The following LRRTM4 variants were observed in gnomAD, a reference collection of about 807,000 sequenced individuals.
The protein encoded by LRRTM4 is leucine rich repeat transmembrane neuronal 4, also known as leucine-rich repeat transmembrane neuronal protein 4.
In LRRTM4, 25 loss-of-function variants were observed where a neutral mutation model predicts 47.6. The observed-to-expected ratio is 0.53, with a 90% CI of 0.38 to 0.73. LRRTM4 has a LOEUF of 0.73. Among genes scored for constraint, LRRTM4 ranks in the 30% least tolerant of loss-of-function variants. The probability of loss-of-function intolerance (pLI) is 0.00; values close to 1 mark genes in which losing one functional copy is unlikely to be tolerated. For missense variants in LRRTM4, 638 were observed against 713.4 expected (o/e 0.89, Z 1.20); for synonymous variants, 311 against 269.5 (o/e 1.15, Z -1.51).
At chr2:76,897,372 A>G (rs1317072493) in intron 3 of LRRTM4, among the ~76,000 whole-genome samples, 1 of 152,154 alleles carries the variant, frequency 6.6e-6, no homozygotes, top group East Asian at 1.9e-4. Context: ...TGTGTAAGGG[A>G]CAGCTATTTT....
intron 3 of LRRTM4, among the ~76,000 whole-genome samples, chr2:77,471,324 A>G (rs936636125): frequency 3.3e-5 from 5 of 152,142 alleles, no homozygotes; most frequent in African/African-American, 1.2e-4. Flanking sequence ...TCCAAGAATG[A>G]CTACTAACCA....
chr2:76,841,371 C>A (rs1671676951), intron 3 of LRRTM4, among the ~76,000 whole-genome samples: 1 of 151,932 alleles, frequency 6.6e-6, no homozygotes, highest in East Asian at 1.9e-4. Context: ...CACATGTATA[C>A]ATATGTAACA....
chr2:77,195,175 A>G (rs1673775607), intron 3 of LRRTM4, among the ~76,000 whole-genome samples: 2 of 151,928 alleles, frequency 1.3e-5, no homozygotes, highest in South Asian at 4.1e-4. Flanking sequence ...AAACATATCT[A>G]TATAATTTAA....
At chr2:77,072,615 T>C (rs1248572251) in intron 3 of LRRTM4, among the ~76,000 whole-genome samples, 6 of 151,758 alleles carry the variant, frequency 4.0e-5, no homozygotes, top group Admixed American at 3.9e-4. Flanking sequence ...CTGGCCAACA[T>C]GACGAAATCC....
intron 3 of LRRTM4, among the ~76,000 whole-genome samples, chr2:77,409,851 C>T (rs1042223118): frequency 3.3e-5 from 5 of 152,198 alleles, no homozygotes; most frequent in Non-Finnish European, 5.9e-5. Context: ...TCTCGTGAAG[C>T]TCTTCTCCTG....
At chr2:76,939,721 G>T (rs1675072029) in intron 3 of LRRTM4, among the ~76,000 whole-genome samples, 1 of 152,044 alleles carries the variant, frequency 6.6e-6, no homozygotes, top group Admixed American at 6.5e-5. Context: ...AGGTATTTAT[G>T]TTAGTCCTAC....
At chr2:77,002,448 G>A (rs1002284786) in intron 3 of LRRTM4, among the ~76,000 whole-genome samples, 1 of 152,036 alleles carries the variant, frequency 6.6e-6, no homozygotes. Flanking sequence ...ATAGTATATG[G>A]GTCTGTTTCC....
At chr2:77,398,369 A>G (rs1054609214) in intron 3 of LRRTM4, among the ~76,000 whole-genome samples, 3 of 151,962 alleles carry the variant, frequency 2.0e-5, no homozygotes, top group Non-Finnish European at 4.4e-5. Context: ...GAAGCAATTA[A>G]GCACATATTA....
chr2:77,383,458 A>T (rs1673139954), intron 3 of LRRTM4, among the ~76,000 whole-genome samples: 1 of 151,936 alleles, frequency 6.6e-6, no homozygotes, highest in African/African-American at 2.4e-5. Flanking sequence ...TCTATTCTGA[A>T]AATCACACCT....
intron 3 of LRRTM4, among the ~76,000 whole-genome samples, chr2:76,761,644 C>T (rs753416527): frequency 6.6e-6 from 1 of 152,124 alleles, no homozygotes; most frequent in African/African-American, 2.4e-5. Context: ...AGTAATAGCC[C>T]ATTCCACTTT....
At chr2:77,206,794 A>G (rs796736475) in intron 3 of LRRTM4, among the ~76,000 whole-genome samples, 17 of 152,190 alleles carry the variant, frequency 1.1e-4, no homozygotes, top group African/African-American at 3.9e-4. Context: ...CAAAACTTAT[A>G]AATTTTAATT....
At chr2:76,832,384 G>A (rs1022282171) in intron 3 of LRRTM4, among the ~76,000 whole-genome samples, 3 of 149,674 alleles carry the variant, frequency 2.0e-5, no homozygotes, top group African/African-American at 7.4e-5. Context: ...TGGCCACCAA[G>A]TGAACTGCAC....
At chr2:77,126,679 G>A (rs1023086957) in intron 3 of LRRTM4, among the ~76,000 whole-genome samples, 1 of 152,190 alleles carries the variant, frequency 6.6e-6, no homozygotes, top group Non-Finnish European at 1.5e-5. Context: ...TAGGGGTCTT[G>A]TCAGGTCATT....
At chr2:76,753,537 T>C (rs1672921049) in intron 3 of LRRTM4, among the ~76,000 whole-genome samples, 2 of 152,192 alleles carry the variant, frequency 1.3e-5, no homozygotes, top group Admixed American at 1.3e-4. Context: ...TCAGCTCGAG[T>C]ATTTTTTTCT....
rs368876701 is a variant in LRRTM4, at chr2:77,359,699, G to C, written c.1551+158619C>G. On this transcript the variant is annotated intron_variant, in intron 3 of 3. Transcript: ENST00000409884. ...TTTCATTGGCCAAGGATTGAATCTT[G>C]GATCTGCCACTATACACAATTGCCT... 3.5e-4 allele frequency among the ~76,000 whole-genome samples: 53 copies of C among 152,244 alleles called. 1 individual carries two copies. In the South Asian group the frequency reaches 0.011, roughly 32 times the overall value.
chr2:76,962,652 C>T (rs1463140681), intron 3 of LRRTM4, among the ~76,000 whole-genome samples: 1 of 149,814 alleles, frequency 6.7e-6, no homozygotes, highest in Non-Finnish European at 1.5e-5. Context: ...TAAGCAAATT[C>T]AGTAATATAA....
At chr2:77,221,478 A>G (rs1399574236) in intron 3 of LRRTM4, among the ~76,000 whole-genome samples, 1 of 152,194 alleles carries the variant, frequency 6.6e-6, no homozygotes, top group Non-Finnish European at 1.5e-5. Context: ...ATGCAGAGAC[A>G]CACATAGGCT....
At chr2:76,749,956 C>G (rs1256505956) in intron 3 of LRRTM4, among the ~76,000 whole-genome samples, 1 of 152,184 alleles carries the variant, frequency 6.6e-6, no homozygotes, top group African/African-American at 2.4e-5. Flanking sequence ...TATTGACTCT[C>G]AGCTCTAAGT....
rs181299373 is a variant in LRRTM4 at position 77,218,109 on chromosome 2, C to T, written c.1551+300209G>A. On this transcript the variant is annotated intron_variant, in intron 3 of 3. Coordinates refer to ENST00000409884, the MANE Select transcript of LRRTM4 (RefSeq NM_001134745.3). The stretch of plus-strand genomic sequence containing the variant: ...TCTCAGGTTCAAACAATTCTTCTGC[C>T]TCAGCCTCCCCAGTAGCTGGGATTA... Among the ~76,000 whole-genome samples, 1,373 of 152,262 alleles carry T rather than the reference C, an allele frequency of 9.0e-3. 11 individuals carry two copies. The highest frequency in any genetic ancestry group is 0.014 in the Non-Finnish European group (963 of 68,026).
Sources: allele counts gnomAD v4.1 joint callset (sites outside exome capture counted in the v4.1 genomes callset), GRCh38; gene constraint gnomAD v4.1.1; transcripts MANE v1.5; gene names NCBI Gene and HGNC (gene_info 2026-07-23, HGNC 2026-07-21).